TRDN: variants seen among roughly 807,000 people sequenced by gnomAD.
TRDN encodes triadin in skeletal muscle.
In TRDN, 161 loss-of-function variants were observed where a neutral mutation model predicts 149.7. The observed-to-expected ratio is 1.08, with a 90% CI of 0.95 to 1.23. The LOEUF is 1.23. TRDN is among the 50% of genes most tolerant of loss of function. The pLI, the probability that TRDN is intolerant of heterozygous loss-of-function variation, is 0.00. For missense variants in TRDN, 896 were observed against 823.5 expected, an observed-to-expected ratio of 1.09 and a Z score of -1.08; for synonymous variants, 294 against 250.5, an observed-to-expected ratio of 1.17 and a Z score of -1.64.
chr6:123,627,500 T>C (rs1434548567), intron 1 of TRDN, among the ~76,000 whole-genome samples: 1 of 152,140 alleles, frequency 6.6e-6, no homozygotes, highest in Non-Finnish European at 1.5e-5. Context: ...ATTATCTCAT[T>C]GATAGAGCAC....
At chr6:123,499,021 C>T (rs1778569870) in intron 8 of TRDN, among the ~76,000 whole-genome samples, 1 of 152,186 alleles carries the variant, frequency 6.6e-6, no homozygotes, top group African/African-American at 2.4e-5. Flanking sequence ...TAGGAATATG[C>T]ATTTTATACA....
At chr6:123,227,743 TTG>T (rs578116804) in intron 38 of TRDN, among the ~76,000 whole-genome samples, 48,559 of 151,420 alleles carry the variant, frequency 0.32, 7,893 homozygotes, top group South Asian at 0.35. Context: ...GTTTGTTTGT[TTG>T]TTTGTTTTTG....
At chr6:123,267,800 A>G (rs1326255706) in intron 31 of TRDN, 49 bp from the exon 32 acceptor site, 1 of 1,439,480 alleles carries the variant, frequency 6.9e-7, no homozygotes, top group Non-Finnish European at 9.4e-7. Context: ...TTCTTTGGCA[A>G]ATATTTCTTA....
intron 1 of TRDN, 80 bp downstream of exon 1, chr6:123,636,674 G>T: frequency 6.6e-7 from 1 of 1,515,090 alleles, no homozygotes. Flanking sequence ...ATTTTAAATG[G>T]ACACATCGAC....
At chr6:123,489,877 CA>C (rs1778136002) in intron 9 of TRDN, among the ~76,000 whole-genome samples, 1 of 151,412 alleles carries the variant, frequency 6.6e-6, no homozygotes, top group Non-Finnish European at 1.5e-5. Context: ...AGCCTGGAGA[CA>C]TCTTTTTTTT....
At chr6:123,240,439 A>G (rs908976219) in intron 38 of TRDN, among the ~76,000 whole-genome samples, 28 of 151,912 alleles carry the variant, frequency 1.8e-4, no homozygotes, top group African/African-American at 4.8e-4. Context: ...TGATTTCAGT[A>G]TATAATCAAT....
chr6:123,432,936 C>T (rs12202791), intron 12 of TRDN, among the ~76,000 whole-genome samples: 22,069 of 151,696 alleles, frequency 0.15, 2,207 homozygotes, highest in African/African-American at 0.29. Context: ...TGATCCTGGA[C>T]TGTATTCCCT....
chr6:123,392,948 A>T lies in TRDN; in HGVS notation c.1105+676T>A, dbSNP rs536533961. Reference sequence around the variant, plus strand: ...TATTATATAATCTAGCATAGAAGAGATGATAAAGATCTTCTCCAGTAAACA... The same window carrying T: ...TATTATATAATCTAGCATAGAAGAGTTGATAAAGATCTTCTCCAGTAAACA... On this transcript the variant is annotated intron_variant, in intron 13 of 40. Coordinates refer to ENST00000334268, the MANE Select transcript of TRDN (RefSeq NM_006073.4). 2.0e-5 allele frequency among the ~76,000 whole-genome samples: 3 copies of T among 152,192 alleles called. No homozygotes were observed. In the East Asian group the frequency reaches 5.8e-4, roughly 29 times the overall value.
intron 13 of TRDN, among the ~76,000 whole-genome samples, chr6:123,388,936 AATT>A (rs944286878): frequency 6.6e-6 from 1 of 152,114 alleles, no homozygotes; most frequent in African/African-American, 2.4e-5. Flanking sequence ...ATATTCCAAA[AATT>A]ATCTATGCTT....
chr6:123,276,517 T>C (rs1398356276), intron 26 of TRDN, among the ~76,000 whole-genome samples: 3 of 152,150 alleles, frequency 2.0e-5, no homozygotes, highest in Non-Finnish European at 4.4e-5. Flanking sequence ...GAAGATACCG[T>C]TAATCGAATA....
chr6:123,489,078 T>A (rs13197937), intron 9 of TRDN, among the ~76,000 whole-genome samples: 15,141 of 152,198 alleles, frequency 0.099, 1,038 homozygotes, highest in South Asian at 0.21. Context: ...TAGCCTTGTA[T>A]ATTTTTATTC....
At chr6:123,537,907 G>C (rs916239233) in intron 4 of TRDN, among the ~76,000 whole-genome samples, 6 of 152,184 alleles carry the variant, frequency 3.9e-5, no homozygotes, top group African/African-American at 1.2e-4. Flanking sequence ...TTGCTGTTGA[G>C]TAGACAGATA....
intron 20 of TRDN, among the ~76,000 whole-genome samples, chr6:123,353,038 A>C (rs567825526): frequency 1.1e-4 from 17 of 152,002 alleles, no homozygotes; most frequent in Admixed American, 2.0e-4. Flanking sequence ...AAATGAAACC[A>C]TCCCAAATCA....
intron 1 of TRDN, among the ~76,000 whole-genome samples, chr6:123,571,364 A>G (rs371857051): frequency 6.6e-6 from 1 of 152,180 alleles, no homozygotes; most frequent in African/African-American, 2.4e-5. Flanking sequence ...CTCATCTCCT[A>G]AGTCCTCTGA....
intron 34 of TRDN, among the ~76,000 whole-genome samples, chr6:123,260,016 C>T (rs1043208768): frequency 6.6e-6 from 1 of 151,172 alleles, no homozygotes; most frequent in African/African-American, 2.4e-5. Context: ...TCTATATGCC[C>T]TCAAATTCCT....
At chr6:123,415,985 G>A (rs1320096273) in intron 12 of TRDN, among the ~76,000 whole-genome samples, 1 of 152,134 alleles carries the variant, frequency 6.6e-6, no homozygotes, top group Non-Finnish European at 1.5e-5. Flanking sequence ...GGGCCTAAAT[G>A]TTTTTGGTTT....
rs146935076 is a variant in TRDN, at chr6:123,279,062, G to T, written c.1531C>A (p.Pro511Thr). Residue 511 changes from proline to threonine, a missense_variant, in exon 25 of 41, where the codon CCT becomes ACT. Pro to Thr is a conservative substitution (Grantham distance 38). Coordinates refer to ENST00000334268, the MANE Select transcript of TRDN (RefSeq NM_006073.4). ...GAGCATGCATATAACATACGTGGAG[G>T]TTTAGGCTTGACTTCTTTGCCTAGA... ...SKAGKEVKPK[P>T]PQLQGKKEEK... The T allele has an allele frequency of 3.2e-4, 511 of 1,608,382 alleles. 2 individuals are homozygous for T. The African/African-American group carries it at 6.3e-3, about 20-fold the overall frequency.
chr6:123,447,307 C>T (rs1365834687), intron 10 of TRDN, among the ~76,000 whole-genome samples: 1 of 152,128 alleles, frequency 6.6e-6, no homozygotes, highest in Admixed American at 6.5e-5. Context: ...AAACCCTTTG[C>T]CTGTGTTTGG....
chr6:123,386,955 C>T (rs1781927664), intron 14 of TRDN, among the ~76,000 whole-genome samples: 1 of 151,994 alleles, frequency 6.6e-6, no homozygotes, highest in Admixed American at 6.6e-5. Flanking sequence ...CATGACCTTG[C>T]CTTGATGTAC....
Sources: gnomAD v4.1 joint callset for allele counts (sites outside exome capture counted in the v4.1 genomes callset) on GRCh38, gnomAD v4.1.1 for gene constraint, MANE v1.5 for transcripts, NCBI Gene and HGNC (gene_info 2026-07-23, HGNC 2026-07-21) for gene names.